Variants in RUNDC3B observed in about 807,000 individuals in gnomAD.
The protein encoded by RUNDC3B is RUN domain containing 3B.
In RUNDC3B, 33 loss-of-function variants were observed where a neutral mutation model predicts 58.4. The ratio of observed to expected loss-of-function variants is 0.56; its 90% CI spans 0.43 to 0.75. The LOEUF is 0.75. RUNDC3B is among the 30% of genes least tolerant of loss of function. The pLI is 0.00. For missense variants in RUNDC3B, 501 were observed against 535.7 expected (o/e 0.94, Z 0.64); for synonymous variants, 193 against 195.2 (o/e 0.99, Z 0.10).
intron 2 of RUNDC3B, among the ~76,000 whole-genome samples, chr7:87,675,942 T>C (rs930682228): frequency 1.3e-5 from 2 of 152,132 alleles, no homozygotes; most frequent in Non-Finnish European, 2.9e-5. Context: ...TCAAGCCAAG[T>C]GTAGTGGCTC....
chr7:87,631,717 C>CA (rs2130194691), intron 1 of RUNDC3B, among the ~76,000 whole-genome samples: 1 of 152,214 alleles, frequency 6.6e-6, no homozygotes, highest in South Asian at 2.1e-4. Context: ...TATCTCAAAT[C>CA]AGAGATGATT....
intron 4 of RUNDC3B, among the ~76,000 whole-genome samples, chr7:87,736,871 ATATATATATATATATATATTTTTTTTT>A (rs1305365594): frequency 2.1e-4 from 8 of 37,966 alleles, no homozygotes; most frequent in African/African-American, 7.7e-4. Flanking sequence ...ATATATATAT[ATATATATATATATATATATTTTTTTTT>A]TTTTTTTTTT....
rs969224238 is a variant in RUNDC3B at position 87,713,511 on chromosome 7, C to T, written c.458+2856C>T. 5.9e-5 allele frequency among the ~76,000 whole-genome samples: 9 copies of T among 151,864 alleles called. No homozygotes were observed. In the South Asian group the frequency reaches 1.0e-3, roughly 18 times the overall value. Reference sequence around the variant, plus strand: ...GTGATCTTTTTGCTAAGGTGTAGGACGTCTTAATGAGCAGTTGAAAAAACA... The same window carrying T: ...GTGATCTTTTTGCTAAGGTGTAGGATGTCTTAATGAGCAGTTGAAAAAACA... On this transcript the variant is annotated intron_variant, in intron 4 of 10. Transcript: ENST00000394654.
chr7:87,760,356 A>G (rs917662193), intron 6 of RUNDC3B, among the ~76,000 whole-genome samples: 1 of 152,104 alleles, frequency 6.6e-6, no homozygotes, highest in Non-Finnish European at 1.5e-5. Context: ...AAAAAGATAT[A>G]CTTGTTAATG....
intron 1 of RUNDC3B, among the ~76,000 whole-genome samples, chr7:87,646,263 A>G (rs1205222978): frequency 1.3e-5 from 2 of 152,172 alleles, no homozygotes; most frequent in Non-Finnish European, 2.9e-5. Flanking sequence ...ATATGAAAAT[A>G]TATGCACTAA....
At position 87,709,524 on chromosome 7, in the gene RUNDC3B, G is replaced by T. The variant is rs951295247; in HGVS notation, c.373-1046G>T. On this transcript the variant is annotated intron_variant, in intron 3 of 10. Coordinates refer to ENST00000394654, the MANE Select transcript of RUNDC3B (RefSeq NM_001134405.2). ...TTGAGCTTGGTAGGTAAATTGACTC[G>T]CATGCTAACCATACCCTTATCATTC... The T allele has an allele frequency of 2.9e-5, 29 of 985,006 alleles. No individual in the cohort carries two copies. In the African/African-American group the frequency reaches 4.2e-4, roughly 14 times the overall value. 61.0% of individuals were successfully genotyped at this position (985,006 alleles called of 1,614,324 possible). A position where few individuals can be genotyped will look rare whatever the true frequency, so the allele number is the denominator to read the frequency against.
chr7:87,662,966 C>T (rs1459798081), intron 2 of RUNDC3B, among the ~76,000 whole-genome samples: 1 of 151,972 alleles, frequency 6.6e-6, no homozygotes, highest in Non-Finnish European at 1.5e-5. Flanking sequence ...TCTTTCCCTT[C>T]TTTGGTAAAG....
intron 6 of RUNDC3B, among the ~76,000 whole-genome samples, chr7:87,767,903 A>T (rs189990168): frequency 6.6e-6 from 1 of 152,170 alleles, no homozygotes; most frequent in Non-Finnish European, 1.5e-5. Context: ...CTAGGCCACA[A>T]TGCAACTGAG....
At chr7:87,656,692 C>T (rs1824139612) in intron 2 of RUNDC3B, among the ~76,000 whole-genome samples, 1 of 151,878 alleles carries the variant, frequency 6.6e-6, no homozygotes, top group Non-Finnish European at 1.5e-5. Flanking sequence ...TAAAAAAAAC[C>T]TAATTATTTA....
intron 8 of RUNDC3B, among the ~76,000 whole-genome samples, chr7:87,787,861 G>A (rs1231138038): frequency 2.6e-5 from 4 of 152,110 alleles, no homozygotes; most frequent in South Asian, 2.1e-4. Flanking sequence ...AAAATCTTTT[G>A]TCAAAATGCT....
intron 8 of RUNDC3B, among the ~76,000 whole-genome samples, chr7:87,805,947 A>C (rs912936375): frequency 2.0e-5 from 3 of 152,204 alleles, no homozygotes; most frequent in Non-Finnish European, 2.9e-5. Context: ...GTCAGTCTTA[A>C]AATTTTCCCA....
rs769176474 is a variant in RUNDC3B, at chr7:87,770,769, A to G, written c.798+20A>G. On this transcript the variant is annotated intron_variant, in intron 7 of 10. Transcript: ENST00000394654. ...CAGAAGGTATTTTAAAATTATCAAA[A>G]CGTACTTAATTTTATTCTAGTTATT... 2 of 1,560,248 alleles carry G rather than the reference A, an allele frequency of 1.3e-6. No individual in the cohort carries two copies. The highest frequency in any genetic ancestry group is 4.5e-5 in the East Asian group (2 of 44,424).
intron 2 of RUNDC3B, among the ~76,000 whole-genome samples, chr7:87,669,735 C>A (rs931048440): frequency 1.3e-5 from 2 of 152,154 alleles, no homozygotes; most frequent in Non-Finnish European, 2.9e-5. Context: ...GGGAAGCTCA[C>A]TTTGGCTGTA....
At chr7:87,778,844 T>C (rs1278808537) in intron 8 of RUNDC3B, among the ~76,000 whole-genome samples, 2 of 152,122 alleles carry the variant, frequency 1.3e-5, no homozygotes, top group Admixed American at 6.6e-5. Context: ...TTTGTGAAAA[T>C]TTTCACATAT....
intron 2 of RUNDC3B, among the ~76,000 whole-genome samples, chr7:87,661,847 G>C (rs919841546): frequency 6.6e-6 from 1 of 151,994 alleles, no homozygotes. Context: ...CATAGTGGCT[G>C]TACTAATTTA....
At chr7:87,818,340 G>A (rs1217991555) in intron 10 of RUNDC3B, among the ~76,000 whole-genome samples, 1 of 152,068 alleles carries the variant, frequency 6.6e-6, no homozygotes, top group African/African-American at 2.4e-5. Context: ...TTAATAAAAT[G>A]AGTAAAAATT....
chr7:87,777,470 T>C (rs1834698098), intron 7 of RUNDC3B, among the ~76,000 whole-genome samples: 1 of 152,230 alleles, frequency 6.6e-6, no homozygotes, highest in South Asian at 2.1e-4. Context: ...AAGAAGCAAC[T>C]TTCTAATTGG....
At chr7:87,653,461 T>C (rs771892572) in intron 2 of RUNDC3B, among the ~76,000 whole-genome samples, 1 of 152,116 alleles carries the variant, frequency 6.6e-6, no homozygotes, top group Non-Finnish European at 1.5e-5. Flanking sequence ...TACTGTTTTC[T>C]AGCCTCTTTC....
At chr7:87,743,128 G>C (rs577676860) in intron 6 of RUNDC3B, among the ~76,000 whole-genome samples, 1 of 149,430 alleles carries the variant, frequency 6.7e-6, no homozygotes, top group African/African-American at 2.4e-5. Context: ...AAAAAAAAAA[G>C]GGAACTAAGG....
Sources: allele counts gnomAD v4.1 joint callset (sites outside exome capture counted in the v4.1 genomes callset), GRCh38; gene constraint gnomAD v4.1.1; transcripts MANE v1.5; gene names NCBI Gene and HGNC (gene_info 2026-07-23, HGNC 2026-07-21).